The following TEX9 variants were observed in gnomAD, a reference collection of about 807,000 sequenced individuals.
TEX9 encodes the protein testis-expressed protein 9.
A neutral mutation model predicts 59.6 loss-of-function variants in TEX9; 74 were observed. The observed-to-expected ratio is 1.24, with a 90% CI of 1.03 to 1.51. TEX9 has a LOEUF of 1.51. Ranked by LOEUF, TEX9 falls within the 40% of genes most tolerant of loss-of-function variation. The probability of loss-of-function intolerance (pLI) is 0.00; values close to 1 mark genes in which losing one functional copy is unlikely to be tolerated. For missense variants in TEX9, 522 were observed against 447.8 expected, an observed-to-expected ratio of 1.17 and a Z score of -1.49; for synonymous variants, 186 against 152.2, an observed-to-expected ratio of 1.22 and a Z score of -1.64.
intron 1 of TEX9, among the ~76,000 whole-genome samples, chr15:56,324,268 G>A (rs1401575134): frequency 6.6e-6 from 1 of 151,508 alleles, no homozygotes; most frequent in African/African-American, 2.4e-5. Flanking sequence ...AAAAGAAACA[G>A]TACAAGTTCT....
intron 1 of TEX9, among the ~76,000 whole-genome samples, chr15:56,326,224 T>G (rs1436049085): frequency 6.6e-6 from 1 of 152,212 alleles, no homozygotes; most frequent in East Asian, 1.9e-4. Context: ...CCTTGTAACT[T>G]CTACCCACTA....
chr15:56,315,034 C>G (rs1305614996), intron 1 of TEX9, among the ~76,000 whole-genome samples: 1 of 151,060 alleles, frequency 6.6e-6, no homozygotes, highest in Non-Finnish European at 1.5e-5. Context: ...TATTTTGAGC[C>G]TATGTGTGTC....
chr15:56,246,686 A>G (rs1196359684), intron 1 of TEX9, among the ~76,000 whole-genome samples: 1 of 152,188 alleles, frequency 6.6e-6, no homozygotes, highest in Non-Finnish European at 1.5e-5. Flanking sequence ...AAGGTAAGAC[A>G]TTGTAGTAAG....
chr15:56,339,401 A>AC (rs549851373), intron 1 of TEX9, among the ~76,000 whole-genome samples: 1 of 124,196 alleles, frequency 8.1e-6, no homozygotes, highest in Non-Finnish European at 1.7e-5. Context: ...AAAAAAAAAA[A>AC]AAAAAAAAAA....
intron 1 of TEX9, among the ~76,000 whole-genome samples, chr15:56,286,491 A>T (rs780232842): frequency 6.6e-6 from 1 of 152,216 alleles, no homozygotes; most frequent in Admixed American, 6.5e-5. Context: ...CAGACAGGAC[A>T]TAAGCAGTCT....
intron 1 of TEX9, among the ~76,000 whole-genome samples, chr15:56,276,621 G>C (rs1384615829): frequency 6.6e-6 from 1 of 152,026 alleles, no homozygotes; most frequent in African/African-American, 2.4e-5. Flanking sequence ...TATTGTAAAA[G>C]GTGCTGCAGT....
chr15:56,376,201 C>G (rs1433827536), intron 3 of TEX9, among the ~76,000 whole-genome samples: 1 of 151,518 alleles, frequency 6.6e-6, no homozygotes, highest in Non-Finnish European at 1.5e-5. Flanking sequence ...TGCACATGTA[C>G]CCTAAAACTT....
chr15:56,292,101 G>A (rs2045107766), intron 1 of TEX9, among the ~76,000 whole-genome samples: 1 of 152,214 alleles, frequency 6.6e-6, no homozygotes, highest in Non-Finnish European at 1.5e-5. Context: ...ATTATATGGT[G>A]CTATGTTCCC....
chr15:56,413,193 A>G (rs139786595), intron 10 of TEX9, among the ~76,000 whole-genome samples: 7 of 43,980 alleles, frequency 1.6e-4, no homozygotes, highest in African/African-American at 4.5e-4. Context: ...TTTAATAATT[A>G]AATATTTAAT....
intron 9 of TEX9, among the ~76,000 whole-genome samples, chr15:56,398,575 T>G (rs1378638222): frequency 1.3e-5 from 2 of 152,236 alleles, no homozygotes; most frequent in Non-Finnish European, 2.9e-5. Context: ...ATATATTTGA[T>G]TCTTTTCATG....
chr15:56,282,692 TG>T (rs1351528249), intron 1 of TEX9, among the ~76,000 whole-genome samples: 1 of 151,824 alleles, frequency 6.6e-6, no homozygotes, highest in African/African-American at 2.4e-5. Context: ...ACCTGAAGGG[TG>T]GTTTAGAGTT....
intron 6 of TEX9, 80 bp from the exon 7 acceptor site, chr15:56,391,163 G>A (rs2048190611): frequency 1.2e-6 from 1 of 832,354 alleles, no homozygotes; most frequent in South Asian, 4.3e-5. Context: ...TTGGGTAAAA[G>A]GCATATATCC....
intron 1 of TEX9, among the ~76,000 whole-genome samples, chr15:56,337,311 C>G (rs1246957333): frequency 1.3e-5 from 2 of 152,060 alleles, no homozygotes; most frequent in African/African-American, 4.8e-5. Context: ...GGGGTCTGAC[C>G]CTCTAGTTAC....
At chr15:56,276,639 C>T (rs1015768436) in intron 1 of TEX9, among the ~76,000 whole-genome samples, 2 of 152,086 alleles carry the variant, frequency 1.3e-5, no homozygotes, top group South Asian at 2.1e-4. Flanking sequence ...AGTAAACAGA[C>T]GTGTGCATGT....
chr15:56,316,439 G>GA (rs2045765567), intron 1 of TEX9, among the ~76,000 whole-genome samples: 1 of 148,076 alleles, frequency 6.8e-6, no homozygotes, highest in Admixed American at 6.8e-5. Flanking sequence ...CCCTGCTGGG[G>GA]GTGCCTCCCA....
intron 1 of TEX9, among the ~76,000 whole-genome samples, chr15:56,352,245 T>C (rs2141880587): frequency 1.3e-5 from 2 of 151,820 alleles, no homozygotes; most frequent in Middle Eastern, 6.8e-3. Context: ...CAGAAGTTAA[T>C]TGCCGTCTTC....
At chr15:56,452,502 T>A in the TEX9 span, among the ~76,000 whole-genome samples, 2 of 149,510 alleles carry the variant, frequency 1.3e-5, no homozygotes. Context: ...ATAATCCATA[T>A]TGTTTTGTTT....
intron 10 of TEX9, among the ~76,000 whole-genome samples, chr15:56,422,210 C>A (rs1269703224): frequency 6.6e-6 from 1 of 150,810 alleles, no homozygotes; most frequent in African/African-American, 2.5e-5. Context: ...TGTAACTAAC[C>A]TGCACATTGT....
At chr15:56,256,066 C>A (rs2044139109) in intron 1 of TEX9, among the ~76,000 whole-genome samples, 1 of 151,746 alleles carries the variant, frequency 6.6e-6, no homozygotes, top group Admixed American at 6.6e-5. Context: ...AAAAACCACT[C>A]CTTTAATACA....
Sources: gnomAD v4.1 joint callset for allele counts (sites outside exome capture counted in the v4.1 genomes callset) on GRCh38, gnomAD v4.1.1 for gene constraint, MANE v1.5 for transcripts, NCBI Gene and HGNC (gene_info 2026-07-23, HGNC 2026-07-21) for gene names.